SHCBP1L: variants seen among roughly 807,000 people sequenced by gnomAD.
SHCBP1L encodes SHC binding and spindle associated 1 like.
A neutral mutation model predicts 62.5 loss-of-function variants in SHCBP1L; 67 were observed. The ratio of observed to expected loss-of-function variants is 1.07; its 90% confidence interval spans 0.88 to 1.31. The LOEUF is 1.31. Ranked by LOEUF, SHCBP1L falls within the 40% of genes most tolerant of loss-of-function variation. SHCBP1L has a pLI of 0.00. For synonymous variants in SHCBP1L, 284 were observed against 289.4 expected, an observed-to-expected ratio of 0.98 and a Z score of 0.19; for missense variants, 823 against 809.8, an observed-to-expected ratio of 1.02 and a Z score of -0.20.
intron 2 of SHCBP1L, among the ~76,000 whole-genome samples, chr1:182,944,781 A>T (rs1336310530): frequency 2.6e-5 from 4 of 151,954 alleles, no homozygotes; most frequent in African/African-American, 7.3e-5. Context: ...CTGGCCTTTC[A>T]TTCACCAATA....
At chr1:182,917,495 C>T (rs557210260) in intron 6 of SHCBP1L, among the ~76,000 whole-genome samples, 37 of 152,274 alleles carry the variant, frequency 2.4e-4, no homozygotes, top group Non-Finnish European at 5.1e-4. Flanking sequence ...CCACCCATCT[C>T]GGCCTCCCAG....
At chr1:182,924,032 A>G (rs1281512988) in intron 6 of SHCBP1L, among the ~76,000 whole-genome samples, 2 of 152,238 alleles carry the variant, frequency 1.3e-5, no homozygotes, top group Non-Finnish European at 2.9e-5. Context: ...CAACTTTAGC[A>G]AAGTTTCAGG....
In SHCBP1L at chr1:182,904,179, C is replaced by T; in HGVS notation, c.1587+1G>A. On this transcript the variant is annotated splice_donor_variant, in intron 8 of 9. Transcript: ENST00000367547. LOFTEE classifies it high-confidence loss of function. ...GCCATACTTTTTAAAGAATGAAATACCTGGGCGCCAGTTATTTCACTGTCT... is the reference window on the plus strand; with the variant it reads ...GCCATACTTTTTAAAGAATGAAATATCTGGGCGCCAGTTATTTCACTGTCT... 1 of 1,613,508 alleles carries T rather than the reference C, an allele frequency of 6.2e-7. No homozygotes were observed. Among genetic ancestry groups the T allele is most frequent in the Non-Finnish European group, 8.5e-7 (1 of 1,179,798 alleles).
intron 6 of SHCBP1L, among the ~76,000 whole-genome samples, chr1:182,907,446 A>AG (rs1650050328): frequency 6.7e-6 from 1 of 150,276 alleles, no homozygotes; most frequent in Non-Finnish European, 1.5e-5. Context: ...AAAAAAAAAA[A>AG]GTAAATAAAT....
chr1:182,903,071 A>G lies in SHCBP1L; in HGVS notation c.1678T>C (p.Ser560Pro). 1 of 1,597,328 alleles carries G rather than the reference A, an allele frequency of 6.3e-7. No homozygotes were observed. Among genetic ancestry groups the G allele is most frequent in the Non-Finnish European group, 8.5e-7 (1 of 1,172,238 alleles). ...TTAACTCCACCTAAGGTGCTTTTTGAACTGTTACTGGTTCTGAGGTTATTA... is the reference window on the plus strand; with the variant it reads ...TTAACTCCACCTAAGGTGCTTTTTGGACTGTTACTGGTTCTGAGGTTATTA... Reference protein sequence around the residue: ...HCNNLRTSNSSKSTLGGVNMK... With the variant: ...HCNNLRTSNSPKSTLGGVNMK... Residue 560 changes from serine (S) to proline (P), a missense_variant, in exon 9 of 10, where the codon TCA (serine) becomes CCA (proline). Coordinates refer to ENST00000367547, the MANE Select transcript of SHCBP1L (RefSeq NM_030933.4).
At chr1:182,924,780 GAAAGAAAGAGA>G (rs2101936796) in intron 6 of SHCBP1L, among the ~76,000 whole-genome samples, 1 of 94,858 alleles carries the variant, frequency 1.1e-5, no homozygotes, top group Non-Finnish European at 1.8e-5. Flanking sequence ...AAGAAAGAAA[GAAAGAAAGAGA>G]GAAAGAAAGG....
chr1:182,939,372 T>C lies in SHCBP1L; in HGVS notation c.880A>G (p.Thr294Ala), dbSNP rs1651281336. The C allele has an allele frequency of 6.2e-7, 1 of 1,613,828 alleles. No homozygotes were observed. The highest frequency in any genetic ancestry group is 2.2e-5 in the East Asian group (1 of 44,834). ...CGTTGTGCGATAGGACCAGGTATTGTTCCATCCTGTATATCACACCACCTG... is the reference window on the plus strand; with the variant it reads ...CGTTGTGCGATAGGACCAGGTATTGCTCCATCCTGTATATCACACCACCTG... The part of the protein sequence containing the change: ...INLWCDIQDG[T>A]IPGPIAQRFK... Residue 294 changes from threonine to alanine, a missense_variant, in exon 5 of 10, where the codon ACA becomes GCA. Thr to Ala is a moderately conservative substitution (Grantham distance 58). Coordinates refer to ENST00000367547, the MANE Select transcript of SHCBP1L (RefSeq NM_030933.4).
chr1:182,945,807 C>A (rs773817380), intron 2 of SHCBP1L, among the ~76,000 whole-genome samples: 2 of 152,174 alleles, frequency 1.3e-5, no homozygotes, highest in East Asian at 1.9e-4. Flanking sequence ...CATCTGTAAT[C>A]CCAGCACTTT....
At chr1:182,924,964 A>AAG (rs1553245984) in intron 6 of SHCBP1L, among the ~76,000 whole-genome samples, 65 of 141,842 alleles carry the variant, frequency 4.6e-4, no homozygotes, top group Non-Finnish European at 7.3e-4. Context: ...GAAAGAAAGA[A>AAG]AGAAAGAAAG....
chr1:182,924,741 A>G (rs929134953), intron 6 of SHCBP1L, among the ~76,000 whole-genome samples: 14 of 101,126 alleles, frequency 1.4e-4, no homozygotes, highest in Admixed American at 1.9e-4. Flanking sequence ...AGAAAGAAAG[A>G]AAGAAAGAAA....
chr1:182,917,461 C>T (rs951536527), intron 6 of SHCBP1L, among the ~76,000 whole-genome samples: 1 of 152,188 alleles, frequency 6.6e-6, no homozygotes, highest in Non-Finnish European at 1.5e-5. Context: ...CCAGGCTGAT[C>T]TTGAACTCCT....
At chr1:182,910,355 G>A (rs1650139509) in intron 6 of SHCBP1L, among the ~76,000 whole-genome samples, 1 of 152,218 alleles carries the variant, frequency 6.6e-6, no homozygotes, top group African/African-American at 2.4e-5. Flanking sequence ...CATTCCTGGT[G>A]TAGCTTGCTG....
chr1:182,900,496 A>G (rs1571332317), intron 9 of SHCBP1L, among the ~76,000 whole-genome samples: 1 of 152,162 alleles, frequency 6.6e-6, no homozygotes, highest in African/African-American at 2.4e-5. Flanking sequence ...GCAATGACAC[A>G]GTCTTGGCTC....
intron 6 of SHCBP1L, among the ~76,000 whole-genome samples, chr1:182,915,161 C>CAAAAAAAAAAA (rs371432299): frequency 9.4e-5 from 3 of 31,906 alleles, no homozygotes; most frequent in Non-Finnish European, 1.4e-4. Flanking sequence ...GACTCTGTCT[C>CAAAAAAAAAAA]AAAAAAAAAA....
At chr1:182,901,518 CTGG>C (rs1649836078) in intron 9 of SHCBP1L, among the ~76,000 whole-genome samples, 2 of 152,250 alleles carry the variant, frequency 1.3e-5, no homozygotes, top group Admixed American at 6.5e-5. Flanking sequence ...TTAATAATTT[CTGG>C]GAACACAAAC....
At chr1:182,924,788 G>GAAAGAAAGAAAGAAAGAAAGAAAGAA (rs1414052337) in intron 6 of SHCBP1L, among the ~76,000 whole-genome samples, 3 of 93,036 alleles carry the variant, frequency 3.2e-5, no homozygotes, top group African/African-American at 8.5e-5. Context: ...AAGAAAGAAA[G>GAAAGAAAGAAAGAAAGAAAGAAAGAA]AGAGAAAGAA....
chr1:182,951,275 G>A (rs1274253040), intron 2 of SHCBP1L, 43 bp downstream of exon 2: 2 of 1,403,552 alleles, frequency 1.4e-6, no homozygotes, highest in Admixed American at 2.4e-5. Flanking sequence ...GTCTTTAAAA[G>A]AACTGATTCA....
At chr1:182,937,623 CCTT>C (rs1434571374) in intron 5 of SHCBP1L, among the ~76,000 whole-genome samples, 2 of 152,066 alleles carry the variant, frequency 1.3e-5, no homozygotes, top group Non-Finnish European at 2.9e-5. Context: ...ATTTGCTCTT[CCTT>C]CTTCTTCTGG....
chr1:182,921,061 A>G (rs1341611405), intron 6 of SHCBP1L, among the ~76,000 whole-genome samples: 2 of 152,124 alleles, frequency 1.3e-5, no homozygotes, highest in African/African-American at 2.4e-5. Flanking sequence ...GACCATCCCC[A>G]AGACATAGTC....
Sources: allele counts gnomAD v4.1 joint callset (sites outside exome capture counted in the v4.1 genomes callset), GRCh38; gene constraint gnomAD v4.1.1; transcripts MANE v1.5; gene names NCBI Gene and HGNC (gene_info 2026-07-23, HGNC 2026-07-21).